The following NFATC1 variants were observed in gnomAD, a reference collection of about 807,000 sequenced individuals.
NFATC1 encodes the protein nuclear factor of activated T-cells, cytoplasmic 1.
Under a neutral mutation model 76.0 loss-of-function variants are expected in NFATC1, and 22 were observed. The ratio of observed to expected loss-of-function variants is 0.29; its 90% confidence interval spans 0.21 to 0.41. The LOEUF (loss-of-function observed/expected upper bound fraction) is 0.41. Ranked by LOEUF, NFATC1 falls within the 10% of genes least tolerant of loss-of-function variation. The probability of loss-of-function intolerance (pLI) is 1.00; values close to 1 mark genes in which losing one functional copy is unlikely to be tolerated. For missense variants in NFATC1, 1,357 were observed against 1,337.7 expected, an observed-to-expected ratio of 1.01 and a Z score of -0.23; for synonymous variants, 704 against 613.1, an observed-to-expected ratio of 1.15 and a Z score of -2.19.
Position 79,415,368 on chromosome 18 carries a change from T to C in NFATC1, c.1226+3867T>C, listed in dbSNP as rs2085841853. Among the ~76,000 whole-genome samples the C allele has an allele frequency of 6.6e-5, 10 of 152,256 alleles. No individual in the cohort carries two copies. The South Asian group carries it at 2.1e-3, about 32-fold the overall frequency. ...CACAATCTCGGCTCACTGCAAGCTTTGCCTCCTGGGTTCACGCCATTCTCC... is the reference window on the plus strand; with the variant it reads ...CACAATCTCGGCTCACTGCAAGCTTCGCCTCCTGGGTTCACGCCATTCTCC... On this transcript the variant is annotated intron_variant, in intron 2 of 9. Coordinates refer to ENST00000427363, the MANE Select transcript of NFATC1 (RefSeq NM_001278669.2).
chr18:79,430,188 T>A (rs539358909), intron 2 of NFATC1, among the ~76,000 whole-genome samples: 2 of 152,250 alleles, frequency 1.3e-5, no homozygotes, highest in Non-Finnish European at 1.5e-5. Context: ...CTTATTCTTA[T>A]GTAATAGTCA....
intron 9 of NFATC1, among the ~76,000 whole-genome samples, chr18:79,494,031 T>C (rs980759428): frequency 6.6e-6 from 1 of 152,168 alleles, no homozygotes; most frequent in Admixed American, 6.5e-5. Flanking sequence ...GAGCCCACCC[T>C]GTGACGTGCC....
chr18:79,400,285 G>A (rs1361515514), intron 1 of NFATC1: 6 of 1,194,830 alleles, frequency 5.0e-6, no homozygotes, highest in East Asian at 7.4e-5. Context: ...GGGACGGGGG[G>A]AGGGGCGGGG....
intron 1 of NFATC1, among the ~76,000 whole-genome samples, chr18:79,398,019 A>G (rs4799053): frequency 0.71 from 108,550 of 151,984 alleles, 40,365 homozygotes; most frequent in Admixed American, 0.84. Context: ...TTTCCACACC[A>G]GCCATCGCTG....
chr18:79,407,314 C>T (rs2085476746), intron 1 of NFATC1, among the ~76,000 whole-genome samples: 1 of 152,194 alleles, frequency 6.6e-6, no homozygotes, highest in East Asian at 1.9e-4. Context: ...GCAGCTGGGG[C>T]AGATCCTGGG....
chr18:79,425,413 C>T (rs539937962), intron 2 of NFATC1, among the ~76,000 whole-genome samples: 1 of 152,256 alleles, frequency 6.6e-6, no homozygotes, highest in Non-Finnish European at 1.5e-5. Context: ...CCTCCTGAAG[C>T]TGCTCCTGTG....
intron 3 of NFATC1, among the ~76,000 whole-genome samples, chr18:79,448,007 G>C (rs1159338406): frequency 6.6e-6 from 1 of 152,210 alleles, no homozygotes; most frequent in Non-Finnish European, 1.5e-5. Context: ...CGTGAGTGGG[G>C]CCCGGCCACT....
chr18:79,520,888 CTGTG>C (rs1220301483), intron 9 of NFATC1, among the ~76,000 whole-genome samples: 2 of 77,878 alleles, frequency 2.6e-5, no homozygotes, highest in African/African-American at 5.3e-5. Flanking sequence ...GTGTGTGTGT[CTGTG>C]TGTGTGTAGG....
At chr18:79,483,129 A>G (rs1230931062) in intron 8 of NFATC1, among the ~76,000 whole-genome samples, 21 of 68,180 alleles carry the variant, frequency 3.1e-4, no homozygotes, top group South Asian at 1.2e-3. Context: ...GTGTAATTCC[A>G]GCGTGACCTG....
chr18:79,424,999 CTG>C (rs1432074415), intron 2 of NFATC1, among the ~76,000 whole-genome samples: 39 of 151,166 alleles, frequency 2.6e-4, no homozygotes, highest in Non-Finnish European at 4.4e-5. Flanking sequence ...GTGTCTATCT[CTG>C]TGTCTGTCTC....
chr18:79,444,535 A>G (rs1423325349), intron 3 of NFATC1, among the ~76,000 whole-genome samples: 1 of 151,388 alleles, frequency 6.6e-6, no homozygotes, highest in Non-Finnish European at 1.5e-5. Context: ...CCTTTCCCGC[A>G]TCTGAAGGGG....
chr18:79,449,385 G>A (rs1055506439), intron 4 of NFATC1, among the ~76,000 whole-genome samples: 2 of 152,260 alleles, frequency 1.3e-5, no homozygotes, highest in Admixed American at 6.5e-5. Flanking sequence ...ATAGGCCTGT[G>A]CTGATGTTCT....
At chr18:79,399,231 G>C (rs913198974) in intron 1 of NFATC1, among the ~76,000 whole-genome samples, 6 of 152,262 alleles carry the variant, frequency 3.9e-5, no homozygotes, top group African/African-American at 7.2e-5. Context: ...AACTAAATCA[G>C]GCCACACGGA....
At chr18:79,429,873 G>T (rs548452579) in intron 2 of NFATC1, among the ~76,000 whole-genome samples, 2 of 152,232 alleles carry the variant, frequency 1.3e-5, no homozygotes, top group African/African-American at 4.8e-5. Context: ...GGTCAACGGC[G>T]GACTTCACCT....
At chr18:79,512,650 C>T (rs1192275231) in intron 9 of NFATC1, among the ~76,000 whole-genome samples, 4 of 152,198 alleles carry the variant, frequency 2.6e-5, no homozygotes, top group East Asian at 1.9e-4. Context: ...CCCCGTGTGC[C>T]TCCCCCGTTT....
chr18:79,422,979 G>A lies in NFATC1; in HGVS notation c.1227-10600G>A, dbSNP rs569432995. On this transcript the variant is annotated intron_variant, in intron 2 of 9. Transcript: ENST00000427363. ...CTTGAGCTCAGCTTCTCACCCATCC[G>A]GGGCAGGGCAGGGCAGATAGAGGGG... Among the ~76,000 whole-genome samples, 41 of 151,896 alleles carry A rather than the reference G, an allele frequency of 2.7e-4. No homozygotes were observed. The East Asian group carries it at 5.8e-3, about 22-fold the overall frequency.
intron 6 of NFATC1, among the ~76,000 whole-genome samples, chr18:79,456,679 C>T (rs987772705): frequency 2.6e-5 from 4 of 152,150 alleles, no homozygotes; most frequent in Non-Finnish European, 4.4e-5. Context: ...TGGAAGGTCT[C>T]GGCCTGGGGC....
At chr18:79,473,555 AG>A (rs1309389978) in intron 8 of NFATC1, among the ~76,000 whole-genome samples, 3 of 146,730 alleles carry the variant, frequency 2.0e-5, no homozygotes, top group South Asian at 2.1e-4. Context: ...CGTAAACCTG[AG>A]GGAAGCGTGT....
At chr18:79,396,400 C>T in intron 1 of NFATC1, 49 bp downstream of exon 1, 1 of 1,125,536 alleles carries the variant, frequency 8.9e-7, no homozygotes, top group Non-Finnish European at 1.1e-6. Context: ...CCCCCACGGC[C>T]CGGGCCGCGC....
Sources: gnomAD v4.1 joint callset for allele counts (sites outside exome capture counted in the v4.1 genomes callset) on GRCh38, gnomAD v4.1.1 for gene constraint, MANE v1.5 for transcripts, NCBI Gene and HGNC (gene_info 2026-07-23, HGNC 2026-07-21) for gene names.